Variants in MEI4 observed in about 807,000 individuals in gnomAD.
MEI4 encodes meiosis-specific protein MEI4.
Under a neutral mutation model 31.4 loss-of-function variants are expected in MEI4, and 27 were observed. The ratio of observed to expected loss-of-function variants is 0.86; its 90% CI spans 0.63 to 1.19. The LOEUF is 1.19. MEI4 is among the 50% of genes most tolerant of loss of function. MEI4 has a pLI of 0.00. For synonymous variants in MEI4, 122 were observed against 145.4 expected, an observed-to-expected ratio of 0.84 and a Z score of 1.16; for missense variants, 329 against 398.9, an observed-to-expected ratio of 0.82 and a Z score of 1.49.
chr6:77,714,021 T>A (rs1205673337), intron 2 of MEI4, among the ~76,000 whole-genome samples: 1 of 152,180 alleles, frequency 6.6e-6, no homozygotes, highest in Non-Finnish European at 1.5e-5. Flanking sequence ...TTGCTAAGGA[T>A]AATGGCCTCC....
At chr6:77,822,341 A>G (rs1270944171) in intron 3 of MEI4, among the ~76,000 whole-genome samples, 1 of 152,148 alleles carries the variant, frequency 6.6e-6, no homozygotes, top group African/African-American at 2.4e-5. Flanking sequence ...CCTCTATAAT[A>G]TAGATATAAA....
intron 2 of MEI4, among the ~76,000 whole-genome samples, chr6:77,745,386 A>G (rs1039974239): frequency 2.6e-5 from 4 of 152,222 alleles, no homozygotes; most frequent in African/African-American, 9.7e-5. Context: ...CCATTACATA[A>G]TGGTAAAGGG....
intron 3 of MEI4, among the ~76,000 whole-genome samples, chr6:77,772,658 G>T (rs1582126607): frequency 6.6e-6 from 1 of 152,082 alleles, no homozygotes; most frequent in African/African-American, 2.4e-5. Flanking sequence ...CTAAGATCTG[G>T]AAGACAACAA....
intron 2 of MEI4, among the ~76,000 whole-genome samples, chr6:77,755,434 T>G (rs76505637): frequency 6.6e-6 from 1 of 151,998 alleles, no homozygotes; most frequent in South Asian, 2.1e-4. Context: ...TTTTTTTTTT[T>G]CTAAGACAGA....
At chr6:77,739,328 A>T (rs1274721981) in intron 2 of MEI4, among the ~76,000 whole-genome samples, 1 of 152,104 alleles carries the variant, frequency 6.6e-6, no homozygotes, top group Non-Finnish European at 1.5e-5. Flanking sequence ...AGCACTATTT[A>T]TTAAATAGGG....
intron 4 of MEI4, among the ~76,000 whole-genome samples, chr6:77,882,719 G>A (rs1771518499): frequency 6.6e-6 from 1 of 151,836 alleles, no homozygotes; most frequent in Admixed American, 6.6e-5. Flanking sequence ...ACTGTCTCAG[G>A]GCCTGCAAAT....
In MEI4 at chr6:77,773,004, A is replaced by G. The variant is rs149851426; in HGVS notation, c.768+11339A>G. ...AATAAAGAAGAGAAAGATGTCTTCA[A>G]TGAAAACTGTAAAACACTGATGAAA... On this transcript the variant is annotated intron_variant, in intron 3 of 4. Transcript: ENST00000684080. Among the ~76,000 whole-genome samples, 213 of 152,106 alleles carry G rather than the reference A, an allele frequency of 1.4e-3. 1 individual carries two copies. The highest frequency in any genetic ancestry group is 4.5e-3 in the African/African-American group (186 of 41,536).
chr6:77,905,476 T>TC, intron 4 of MEI4, among the ~76,000 whole-genome samples: 1 of 2,700 alleles, frequency 3.7e-4, no homozygotes, highest in South Asian at 6.8e-3. Flanking sequence ...AATTTTCAGC[T>TC]TTTTTTTTTT....
At chr6:77,703,285 C>T (rs536368463) in intron 2 of MEI4, among the ~76,000 whole-genome samples, 2 of 152,260 alleles carry the variant, frequency 1.3e-5, no homozygotes, top group South Asian at 4.1e-4. Context: ...AAGTAGAATA[C>T]AGAGAGCAAC....
intron 2 of MEI4, among the ~76,000 whole-genome samples, chr6:77,695,482 G>T (rs1766005619): frequency 6.6e-6 from 1 of 152,124 alleles, no homozygotes; most frequent in South Asian, 2.1e-4. Flanking sequence ...TTCTACATAT[G>T]GCTAGCCAGT....
chr6:77,816,196 A>T (rs1450395932), intron 3 of MEI4, among the ~76,000 whole-genome samples: 1 of 152,142 alleles, frequency 6.6e-6, no homozygotes, highest in Non-Finnish European at 1.5e-5. Flanking sequence ...ATATGTTTGT[A>T]TTCTAGATAC....
intron 1 of MEI4, among the ~76,000 whole-genome samples, chr6:77,659,498 GT>G (rs1768461579): frequency 6.6e-6 from 1 of 152,126 alleles, no homozygotes; most frequent in Admixed American, 6.5e-5. Flanking sequence ...GACTGATGGG[GT>G]AACTGCGTAG....
chr6:77,728,642 C>CT (rs1224623965), intron 2 of MEI4, among the ~76,000 whole-genome samples: 1 of 152,206 alleles, frequency 6.6e-6, no homozygotes, highest in African/African-American at 2.4e-5. Flanking sequence ...CTAATTTAGA[C>CT]TGGATCGTCA....
intron 3 of MEI4, among the ~76,000 whole-genome samples, chr6:77,766,557 G>T (rs1458250436): frequency 6.6e-6 from 1 of 152,106 alleles, no homozygotes; most frequent in Non-Finnish European, 1.5e-5. Context: ...GGGACTACAG[G>T]TGCCTGCCAC....
chr6:77,897,513 T>TTA (rs10642042), intron 4 of MEI4, among the ~76,000 whole-genome samples: 124,671 of 151,580 alleles, frequency 0.82, 51,704 homozygotes, highest in East Asian at 0.95. Context: ...TTTTTTAAAA[T>TTA]TGTTATATAT....
At chr6:77,747,258 G>C (rs1235901343) in intron 2 of MEI4, among the ~76,000 whole-genome samples, 1 of 152,138 alleles carries the variant, frequency 6.6e-6, no homozygotes, top group East Asian at 1.9e-4. Flanking sequence ...ATTGTAGTGA[G>C]CCGAGATTGT....
chr6:77,885,267 C>A (rs1390165367), intron 4 of MEI4, among the ~76,000 whole-genome samples: 2 of 151,770 alleles, frequency 1.3e-5, no homozygotes, highest in East Asian at 3.9e-4. Context: ...CTCACTGCAG[C>A]CTCAACCTTC....
chr6:77,747,260 C>T (rs139440903), intron 2 of MEI4, among the ~76,000 whole-genome samples: 4,878 of 151,934 alleles, frequency 0.032, 269 homozygotes, highest in African/African-American at 0.11. Flanking sequence ...TGTAGTGAGC[C>T]GAGATTGTGC....
In MEI4 at chr6:77,690,767, C is replaced by A. The variant is rs1249919643; in HGVS notation, c.96C>A (p.Tyr32Ter). 4.9e-6 allele frequency: 6 copies of A among 1,231,500 alleles called. No individual in the cohort carries two copies. The highest frequency in any genetic ancestry group is 4.2e-5 in the Admixed American group (1 of 23,650). The allele number at this position is 1,231,500 out of a possible 1,614,324, so 76.3% of individuals were successfully genotyped here. Residue 32 changes from tyrosine (Y) to a stop codon, truncating the protein, a stop_gained, in exon 2 of 5, where the codon TAC becomes TAA. Coordinates refer to ENST00000684080, the MANE Select transcript of MEI4 (RefSeq NM_001322247.2). LOFTEE classifies it high-confidence loss of function. ...CAGCAGACAAAAGCAGCAGAGAATA[C>A]ACAGAGCACCTTGCTATGTTGCTGT... ...SKPADKSSRE[Y>*]TEHLAMLLSE...
Sources: gnomAD v4.1 joint callset for allele counts (sites outside exome capture counted in the v4.1 genomes callset) on GRCh38, gnomAD v4.1.1 for gene constraint, MANE v1.5 for transcripts, NCBI Gene and HGNC (gene_info 2026-07-23, HGNC 2026-07-21) for gene names.